Variants in FGD2 observed in about 807,000 individuals in gnomAD.
FGD2 encodes FYVE, RhoGEF and PH domain containing 2.
FGD2 carries 52 observed loss-of-function variants against 75.9 expected under a neutral mutation model. The ratio of observed to expected loss-of-function variants is 0.69; its 90% CI spans 0.55 to 0.86. The LOEUF (loss-of-function observed/expected upper bound fraction) is 0.86, where lower values mean the gene tolerates loss of function less well. Among genes scored for constraint, FGD2 ranks in the 40% least tolerant of loss-of-function variants. The probability of loss-of-function intolerance (pLI) is 0.00; values close to 1 mark genes in which losing one functional copy is unlikely to be tolerated. For missense variants in FGD2, 790 were observed against 872.0 expected (o/e 0.91, Z 1.18); for synonymous variants, 347 against 348.6 (o/e 1.00, Z 0.05).
At position 37,014,887 on chromosome 6, in the gene FGD2, C is replaced by A; in HGVS notation, c.883-5C>A. The A allele has an allele frequency of 6.2e-7, 1 of 1,613,316 alleles. No individual in the cohort carries two copies. The highest frequency in any genetic ancestry group is 1.3e-5 in the African/African-American group (1 of 75,032). ...CTTGGCTGAGGATGCACCCCAACCCCCTAGGAGCGGCTGCAGGACCTGTGG... is the reference window on the plus strand; with the variant it reads ...CTTGGCTGAGGATGCACCCCAACCCACTAGGAGCGGCTGCAGGACCTGTGG... On this transcript the variant is annotated splice_polypyrimidine_tract_variant and splice_region_variant and intron_variant, in intron 7 of 15. Coordinates refer to ENST00000274963, the MANE Select transcript of FGD2 (RefSeq NM_173558.4).
intron 13 of FGD2, chr6:37,023,678 T>G (rs1486254248): frequency 6.6e-6 from 1 of 152,040 alleles, no homozygotes; most frequent in African/African-American, 2.4e-5. Context: ...CAGGACAGAG[T>G]CAGTTTCTAG....
At chr6:37,006,898 C>T (rs1021006104) in intron 1 of FGD2, among the ~76,000 whole-genome samples, 38 of 152,196 alleles carry the variant, frequency 2.5e-4, no homozygotes, top group Admixed American at 1.7e-3. Context: ...GGATGCCTCT[C>T]GGTTGTTCCA....
At chr6:37,013,504 G>A (rs1765123491) in intron 4 of FGD2, 105 bp from the exon 5 acceptor site, 1 of 1,511,800 alleles carries the variant, frequency 6.6e-7, no homozygotes. Context: ...GAATTGCCGT[G>A]GAAAGTTTGC....
In FGD2 at chr6:37,028,187, C is replaced by T. The variant is rs1465907430; in HGVS notation, c.*24C>T. 4.0e-6 allele frequency: 6 copies of T among 1,507,626 alleles called. No individual in the cohort carries two copies. In the African/African-American group the frequency reaches 6.8e-5, roughly 17 times the overall value. The allele number at this position is 1,507,626 out of a possible 1,614,324, so 93.4% of individuals were successfully genotyped here. A position where few individuals can be genotyped will look rare whatever the true frequency, so the allele number is the denominator to read the frequency against. ...GAGCCACTGCCAGCCGCTCTCCTGC[C>T]CACCTCTCCCCACCCTGAACCCAGC... is the stretch of plus-strand genomic sequence containing the variant. On this transcript the variant is annotated 3_prime_UTR_variant, in exon 16 of 16. Transcript: ENST00000274963.
chr6:37,017,775 G>A (rs1765373683), intron 9 of FGD2, among the ~76,000 whole-genome samples: 1 of 151,912 alleles, frequency 6.6e-6, no homozygotes, highest in South Asian at 2.1e-4. Flanking sequence ...GAGCCCCTGG[G>A]GCCTCCAGAG....
chr6:37,007,340 G>C (rs1208634755), intron 1 of FGD2, among the ~76,000 whole-genome samples: 4 of 152,174 alleles, frequency 2.6e-5, no homozygotes, highest in Non-Finnish European at 5.9e-5. Flanking sequence ...ATTCTCCCCT[G>C]CCTCTCCCGG....
Position 37,027,412 on chromosome 6 carries a change from C to T in FGD2, c.1606-17C>T. The T allele has an allele frequency of 6.3e-7, 1 of 1,594,934 alleles. No homozygotes were observed. On this transcript the variant is annotated splice_polypyrimidine_tract_variant and intron_variant, in intron 14 of 15. Coordinates refer to ENST00000274963, the MANE Select transcript of FGD2 (RefSeq NM_173558.4). ...GCGGCTGCTCTGCTCCCTGACAGTC[C>T]CTCCTTCTGGTTTTAGAAAGGGTCC... is the stretch of plus-strand genomic sequence containing the variant.
intron 6 of FGD2, 171 bp from the exon 7 acceptor site, chr6:37,014,475 C>A (rs1445383667): frequency 1.4e-6 from 1 of 739,622 alleles, no homozygotes. Flanking sequence ...TCTCTCAGCC[C>A]TGGGGGGCTC....
chr6:37,014,472 G>A lies in FGD2; in HGVS notation c.824-174G>A, dbSNP rs1027931123. On this transcript the variant is annotated intron_variant, in intron 6 of 15. Transcript: ENST00000274963. ...ACGTTCAGTGGCTTCCAGTCTCTCA[G>A]CCCTGGGGGGCTCCCGCCATTCAGA... The A allele has an allele frequency of 2.1e-5, 15 of 723,474 alleles. No individual in the cohort carries two copies. The African/African-American group carries it at 2.7e-4, about 13-fold the overall frequency. The allele number at this position is 723,474 out of a possible 1,614,324, so 44.8% of individuals were successfully genotyped here.
rs565500273 is a variant in FGD2, at chr6:37,015,692, C to T, written c.1030-76C>T. ...CCAGTGGTGCTCAGCCCATGCTCGG[C>T]CCACCCTCGGGGAAACCCCACCTAG... On this transcript the variant is annotated intron_variant, in intron 8 of 15. Coordinates refer to ENST00000274963, the MANE Select transcript of FGD2 (RefSeq NM_173558.4). The T allele has an allele frequency of 2.7e-4, 376 of 1,385,446 alleles. 3 individuals are homozygous for T. In the African/African-American group the frequency reaches 4.8e-3, roughly 18 times the overall value. The allele number at this position is 1,385,446 out of a possible 1,614,324, so 85.8% of individuals were successfully genotyped here.
Position 37,020,613 on chromosome 6 carries a change from C to CT in FGD2, c.1195_1196insT (p.Gln399LeufsTer20). ...CGGGAAGCAGCGCACCCTGGAGCTGCAAGCCCGGTAAAGGAGCTGGGGTGG... is the reference window on the plus strand; with the variant it reads ...CGGGAAGCAGCGCACCCTGGAGCTGCTAAGCCCGGTAAAGGAGCTGGGGTGG... On this transcript the variant is annotated frameshift_variant, in exon 10 of 16. Transcript: ENST00000274963. LOFTEE classifies it high-confidence loss of function. 1 of 1,603,742 alleles carries CT rather than the reference C, an allele frequency of 6.2e-7. No individual in the cohort carries two copies. Among genetic ancestry groups the CT allele is most frequent in the Non-Finnish European group, 8.5e-7 (1 of 1,175,286 alleles).
chr6:37,020,911 T>TGTGTGTGC (rs1471304388), intron 11 of FGD2, among the ~76,000 whole-genome samples, 172 bp downstream of exon 11: 5 of 145,410 alleles, frequency 3.4e-5, no homozygotes, highest in Non-Finnish European at 3.0e-5. Context: ...TGTGTGTGTG[T>TGTGTGTGC]GCATGTGTGT....
rs1765478492 is a variant in FGD2, at chr6:37,019,820, G to GTGAAGATTATT, written c.1123-719_1123-709dup. Reference sequence around the variant, plus strand: ...ATAGTATCTGCTTCCCAAGATTGCTGTGAAGATTATTTTCTTCTTCTTTTC... The same window carrying GTGAAGATTATT: ...ATAGTATCTGCTTCCCAAGATTGCTGTGAAGATTATTTGAAGATTATTTTCTTCTTCTTTTC... On this transcript the variant is annotated intron_variant, in intron 9 of 15. Coordinates refer to ENST00000274963, the MANE Select transcript of FGD2 (RefSeq NM_173558.4). Among the ~76,000 whole-genome samples the GTGAAGATTATT allele has an allele frequency of 2.0e-5, 3 of 151,092 alleles. No homozygotes were observed. The South Asian group carries it at 6.3e-4, about 32-fold the overall frequency.
At chr6:37,025,133 T>C (rs1325010456) in intron 13 of FGD2, 1 of 152,478 alleles carries the variant, frequency 6.6e-6, no homozygotes, top group East Asian at 1.9e-4. Context: ...ATGTCAGCCT[T>C]TGGGGGGTGT....
intron 9 of FGD2, among the ~76,000 whole-genome samples, chr6:37,018,290 C>T (rs954121476): frequency 7.2e-5 from 11 of 152,142 alleles, no homozygotes; most frequent in African/African-American, 2.7e-4. Context: ...TGCCGGGTCT[C>T]TGGAGTCTGC....
intron 3 of FGD2, chr6:37,011,421 C>T: frequency 1.8e-6 from 1 of 563,702 alleles, no homozygotes; most frequent in South Asian, 2.2e-5. Context: ...GCAGGGAGCT[C>T]TAGTCTGATG....
At chr6:37,025,621 G>A in intron 13 of FGD2, 171 bp from the exon 14 acceptor site, 2 of 670,646 alleles carry the variant, frequency 3.0e-6, no homozygotes, top group Non-Finnish European at 5.1e-6. Flanking sequence ...AGGCAGTTGG[G>A]CCTCACCAGC....
chr6:37,017,170 A>G (rs1157357565), intron 9 of FGD2, among the ~76,000 whole-genome samples: 2 of 151,810 alleles, frequency 1.3e-5, no homozygotes, highest in Non-Finnish European at 2.9e-5. Context: ...GAGCTTCCTC[A>G]TCCTCCTGCC....
chr6:37,027,672 C>G, intron 15 of FGD2, 97 bp downstream of exon 15: 2 of 1,460,024 alleles, frequency 1.4e-6, no homozygotes. Context: ...CTCCATATGT[C>G]AGATAGGGAA....
Sources: allele counts gnomAD v4.1 joint callset (sites outside exome capture counted in the v4.1 genomes callset), GRCh38; gene constraint gnomAD v4.1.1; transcripts MANE v1.5; gene names NCBI Gene and HGNC (gene_info 2026-07-23, HGNC 2026-07-21).